PTPRD: variants seen among roughly 807,000 people sequenced by gnomAD.
PTPRD encodes the protein receptor-type tyrosine-protein phosphatase delta.
PTPRD carries 34 observed loss-of-function variants against 214.5 expected under a neutral mutation model. The ratio of observed to expected loss-of-function variants is 0.16; its 90% CI spans 0.12 to 0.21. The LOEUF (loss-of-function observed/expected upper bound fraction) is 0.21, where lower values mean the gene tolerates loss of function less well. Among genes scored for constraint, PTPRD ranks in the 10% least tolerant of loss-of-function variants. The pLI is 1.00. For synonymous variants in PTPRD, 1,128 were observed against 845.7 expected (o/e 1.33, Z -5.79); for missense variants, 2,545 against 2,398.7 (o/e 1.06, Z -1.27).
At chr9:9,361,221 T>C (rs1480945545) in intron 9 of PTPRD, among the ~76,000 whole-genome samples, 3 of 151,170 alleles carry the variant, frequency 2.0e-5, no homozygotes, top group East Asian at 3.9e-4. Flanking sequence ...TTTTCGCATA[T>C]AATCCTTACA....
At chr9:10,340,853 GA>G (rs1219097929) in intron 3 of PTPRD, 109 bp downstream of exon 3, 2 of 151,922 alleles carry the variant, frequency 1.3e-5, no homozygotes. Context: ...GCAGGGATAA[GA>G]ACATGGTTTC....
At chr9:10,490,167 G>GA (rs1247207773) in intron 2 of PTPRD, among the ~76,000 whole-genome samples, 1 of 152,112 alleles carries the variant, frequency 6.6e-6, no homozygotes, top group Non-Finnish European at 1.5e-5. Flanking sequence ...CTTTTGGAGG[G>GA]ATATAGTTAT....
intron 9 of PTPRD, among the ~76,000 whole-genome samples, chr9:9,225,029 G>A (rs1345089108): frequency 6.6e-6 from 1 of 151,878 alleles, no homozygotes; most frequent in Non-Finnish European, 1.5e-5. Flanking sequence ...CACGTATACT[G>A]GCATCTATGG....
intron 9 of PTPRD, among the ~76,000 whole-genome samples, chr9:9,270,125 G>A (rs1054007825): frequency 1.5e-4 from 23 of 151,080 alleles, no homozygotes; most frequent in African/African-American, 5.6e-4. Flanking sequence ...TGATAGATAT[G>A]TTAGGTAGCT....
chr9:10,076,589 C>T (rs1018905155), intron 3 of PTPRD, among the ~76,000 whole-genome samples: 1 of 152,030 alleles, frequency 6.6e-6, no homozygotes, highest in African/African-American at 2.4e-5. Context: ...AAAAGCATGG[C>T]CCCTGAGCAG....
intron 3 of PTPRD, among the ~76,000 whole-genome samples, chr9:10,259,233 T>G (rs1274996800): frequency 6.6e-6 from 1 of 151,898 alleles, no homozygotes; most frequent in Non-Finnish European, 1.5e-5. Flanking sequence ...ACCGTGTTAG[T>G]CAGGATGGTC....
rs1057044912 is a variant in PTPRD at position 9,333,523 on chromosome 9, T to C, written c.-203+63926A>G. ...AGTATATTATATATATATATATATATATAAAGTCTGCAATGCAATCACAAG... is the reference window on the plus strand; with the variant it reads ...AGTATATTATATATATATATATATACATAAAGTCTGCAATGCAATCACAAG... On this transcript the variant is annotated intron_variant, in intron 9 of 45. Coordinates refer to ENST00000381196, the MANE Select transcript of PTPRD (RefSeq NM_002839.4). Among the ~76,000 whole-genome samples, 205 of 140,318 alleles carry C rather than the reference T, an allele frequency of 1.5e-3. 3 individuals are homozygous for C. The highest frequency in any genetic ancestry group is 5.9e-3 in the African/African-American group (200 of 33,894). 92.1% of individuals were successfully genotyped at this position (140,318 alleles called of 152,430 possible).
chr9:9,827,598 C>A (rs573028974), intron 5 of PTPRD, among the ~76,000 whole-genome samples: 37 of 152,256 alleles, frequency 2.4e-4, no homozygotes, highest in African/African-American at 8.9e-4. Context: ...CAGGCATGGG[C>A]AAGGACTTCA....
At chr9:8,872,415 T>C (rs1317090860) in intron 11 of PTPRD, among the ~76,000 whole-genome samples, 2 of 152,232 alleles carry the variant, frequency 1.3e-5, no homozygotes, top group Admixed American at 1.3e-4. Flanking sequence ...GATTGAGTAT[T>C]TTTTTGTTAA....
chr9:10,329,164 A>T (rs1304857513), intron 3 of PTPRD, among the ~76,000 whole-genome samples: 2 of 151,832 alleles, frequency 1.3e-5, no homozygotes, highest in East Asian at 3.9e-4. Context: ...ATTCTTTTTA[A>T]TATTCCAAAA....
intron 12 of PTPRD, among the ~76,000 whole-genome samples, chr9:8,709,897 G>A (rs775731539): frequency 1.3e-5 from 2 of 152,054 alleles, no homozygotes; most frequent in Non-Finnish European, 2.9e-5. Flanking sequence ...AATAGAGAGT[G>A]CCTCAGGAAT....
intron 9 of PTPRD, among the ~76,000 whole-genome samples, chr9:9,240,099 T>C (rs2099969625): frequency 1.3e-5 from 2 of 152,110 alleles, no homozygotes; most frequent in African/African-American, 4.8e-5. Context: ...ATAAGTAAAT[T>C]CAATAAGATA....
At chr9:9,832,238 T>G (rs926823720) in intron 5 of PTPRD, among the ~76,000 whole-genome samples, 3 of 151,832 alleles carry the variant, frequency 2.0e-5, no homozygotes, top group African/African-American at 7.3e-5. Flanking sequence ...GATCTTGGAG[T>G]AGCAGACGAA....
chr9:10,595,810 T>G (rs891863802), intron 2 of PTPRD, among the ~76,000 whole-genome samples: 1 of 151,638 alleles, frequency 6.6e-6, no homozygotes, highest in Non-Finnish European at 1.5e-5. Flanking sequence ...CCATTATATA[T>G]CAGAGTACTT....
At chr9:9,637,988 T>C (rs761024578) in intron 7 of PTPRD, among the ~76,000 whole-genome samples, 2 of 152,154 alleles carry the variant, frequency 1.3e-5, no homozygotes, top group African/African-American at 2.4e-5. Context: ...TCCCTGGCCC[T>C]CACCCCAAAG....
At chr9:10,181,675 A>T (rs1318959578) in intron 3 of PTPRD, among the ~76,000 whole-genome samples, 1 of 151,936 alleles carries the variant, frequency 6.6e-6, no homozygotes, top group African/African-American at 2.4e-5. Context: ...TGCAGTTACT[A>T]TCAAATGGAG....
chr9:10,071,566 C>G (rs1003501283), intron 3 of PTPRD, among the ~76,000 whole-genome samples: 4 of 151,510 alleles, frequency 2.6e-5, no homozygotes, highest in Non-Finnish European at 2.9e-5. Flanking sequence ...TGTCTATATG[C>G]AAAAAAAGGA....
At chr9:8,611,954 C>T (rs1157204141) in intron 14 of PTPRD, among the ~76,000 whole-genome samples, 1 of 32,542 alleles carries the variant, frequency 3.1e-5, no homozygotes, top group East Asian at 1.1e-3. Context: ...AAAGAGAAAA[C>T]AAAAGAAAAC....
intron 7 of PTPRD, among the ~76,000 whole-genome samples, chr9:9,668,518 A>G (rs1335415552): frequency 6.6e-6 from 1 of 152,130 alleles, no homozygotes; most frequent in Non-Finnish European, 1.5e-5. Flanking sequence ...AACAGATCCA[A>G]TTAAGTTTTG....
Sources: gnomAD v4.1 joint callset for allele counts (sites outside exome capture counted in the v4.1 genomes callset) on GRCh38, gnomAD v4.1.1 for gene constraint, MANE v1.5 for transcripts, NCBI Gene and HGNC (gene_info 2026-07-23, HGNC 2026-07-21) for gene names.